WDR62: variants seen among roughly 807,000 people sequenced by gnomAD.
The protein encoded by WDR62 is WD repeat domain 62, also known as WD repeat-containing protein 62.
WDR62 carries 112 observed loss-of-function variants against 160.6 expected under a neutral mutation model. That is an observed-to-expected ratio of 0.70 (90% CI 0.60 to 0.82). WDR62 has a LOEUF of 0.82. Ranked by LOEUF, WDR62 falls within the 40% of genes least tolerant of loss-of-function variation. The probability of loss-of-function intolerance (pLI) is 0.00; values close to 1 mark genes in which losing one functional copy is unlikely to be tolerated. For synonymous variants in WDR62, 792 were observed against 815.1 expected, an observed-to-expected ratio of 0.97 and a Z score of 0.48; for missense variants, 1,819 against 1,983.8, an observed-to-expected ratio of 0.92 and a Z score of 1.58.
intron 3 of WDR62, among the ~76,000 whole-genome samples, chr19:36,064,505 T>C (rs1970831223): frequency 6.6e-6 from 1 of 152,106 alleles, no homozygotes; most frequent in African/African-American, 2.4e-5. Flanking sequence ...GGTCTCGATC[T>C]CCTGACCTTG....
Position 36,054,898 on chromosome 19 carries a change from C to T in WDR62, c.-74C>T, listed in dbSNP as rs1173065804. 3 of 1,528,894 alleles carry T rather than the reference C, an allele frequency of 2.0e-6. No homozygotes were observed. Among genetic ancestry groups the T allele is most frequent in the East Asian group, 2.4e-5 (1 of 41,118 alleles). The allele number at this position is 1,528,894 out of a possible 1,614,324, so 94.7% of individuals were successfully genotyped here. ...GCGCCGGCTTTCCCGCGGCTGTTCGCTGTTCCAGTGGGTCGTGGCGGTGGC... is the reference window on the plus strand; with the variant it reads ...GCGCCGGCTTTCCCGCGGCTGTTCGTTGTTCCAGTGGGTCGTGGCGGTGGC... On this transcript the variant is annotated 5_prime_UTR_variant, in exon 1 of 32. Transcript: ENST00000401500.
At chr19:36,065,817 G>A (rs1421612785) in intron 3 of WDR62, 141 bp from the exon 4 acceptor site, 24 of 826,438 alleles carry the variant, frequency 2.9e-5, no homozygotes, top group Admixed American at 2.7e-4. Flanking sequence ...GGCTCTGTGG[G>A]AGCTGCTTGA....
At chr19:36,073,245 G>A (rs543337163) in intron 8 of WDR62, 97 bp from the exon 9 acceptor site, 3 of 1,119,156 alleles carry the variant, frequency 2.7e-6, no homozygotes, top group African/African-American at 1.5e-5. Flanking sequence ...TACCATGAGG[G>A]ATGGCATTGC....
At position 36,089,239 on chromosome 19, in the gene WDR62, T is replaced by C. The variant is rs755491710; in HGVS notation, c.1891T>C (p.Leu631=). Residue 631 remains leucine, a synonymous_variant, in exon 15 of 32, where the codon TTG becomes CTG. Coordinates refer to ENST00000401500, the MANE Select transcript of WDR62 (RefSeq NM_001083961.2). ...CCACCACGTAGCAGAGAAAACCACC[T>C]TGTATGACATGGACATTGACATCAC... The part of the protein sequence containing the change: ...RTHHVAEKTT[L]YDMDIDITQK... 12 of 1,614,200 alleles carry C rather than the reference T, an allele frequency of 7.4e-6. No individual in the cohort carries two copies. The Admixed American group carries it at 1.0e-4, about 13-fold the overall frequency.
chr19:36,071,531 A>G, intron 7 of WDR62, 25 bp from the exon 8 acceptor site: 5 of 1,614,156 alleles, frequency 3.1e-6, no homozygotes, highest in Non-Finnish European at 4.2e-6. Flanking sequence ...CACCAAATCC[A>G]CTGGGGTCCC....
At chr19:36,086,926 T>C in intron 13 of WDR62, 114 bp downstream of exon 13, 1 of 1,405,108 alleles carries the variant, frequency 7.1e-7, no homozygotes, top group Non-Finnish European at 9.7e-7. Context: ...ACAGTATCTG[T>C]GTACAGTATA....
chr19:36,108,781 GAGCTTGA>G (rs1461180975), downstream of WDR62, among the ~76,000 whole-genome samples: 4 of 151,218 alleles, frequency 2.6e-5, no homozygotes, highest in Admixed American at 6.6e-5. Flanking sequence ...TTGAGCCCAG[GAGCTTGA>G]GGCTACAGTG....
intron 7 of WDR62, among the ~76,000 whole-genome samples, chr19:36,069,247 G>A (rs891086663): frequency 6.6e-6 from 1 of 151,182 alleles, no homozygotes; most frequent in Non-Finnish European, 1.5e-5. Context: ...GGCAGCTGCC[G>A]GGCGGAGGGG....
intron 9 of WDR62, among the ~76,000 whole-genome samples, chr19:36,076,979 A>G (rs186945496): frequency 2.1e-4 from 31 of 148,292 alleles, no homozygotes; most frequent in East Asian, 3.9e-4. Context: ...GTGTGTGTGT[A>G]TATATATATA....
intron 14 of WDR62, 27 bp downstream of exon 14, chr19:36,089,132 CTGGGG>C: frequency 6.2e-7 from 1 of 1,605,748 alleles, no homozygotes; most frequent in Non-Finnish European, 8.5e-7. Flanking sequence ...TCCTTGGGGG[CTGGGG>C]TGGGGGGTTG....
rs201110853 is a variant in WDR62 at position 36,078,156 on chromosome 19, T to TTG, written c.1234-3276_1234-3275insGT. ...CATGTAAGTACAAGTTTTTTTGTTT[T>TTG]TTTTTTTTTGAAACGGAGTCTCACT... On this transcript the variant is annotated intron_variant, in intron 9 of 31. Transcript: ENST00000401500. Among the ~76,000 whole-genome samples the TTG allele has an allele frequency of 5.5e-3, 833 of 152,004 alleles. 3 individuals are homozygous for TTG. Among genetic ancestry groups the TTG allele is most frequent in the African/African-American group, 0.019 (788 of 41,446 alleles).
At chr19:36,085,492 T>C (rs2145737728) in intron 12 of WDR62, among the ~76,000 whole-genome samples, 1 of 146,092 alleles carries the variant, frequency 6.8e-6, no homozygotes, top group African/African-American at 2.5e-5. Context: ...GCGATCTCAG[T>C]TCACTGCAAC....
At chr19:36,059,900 G>A (rs765583374) in intron 2 of WDR62, 68 bp from the exon 3 acceptor site, 99 of 1,544,068 alleles carry the variant, frequency 6.4e-5, no homozygotes, top group Admixed American at 4.8e-4. Context: ...CTTTTCTGGT[G>A]GGAATAGAAT....
chr19:36,096,747 CA>C (rs1368525862), intron 20 of WDR62, among the ~76,000 whole-genome samples: 1 of 152,100 alleles, frequency 6.6e-6, no homozygotes, highest in Non-Finnish European at 1.5e-5. Context: ...AAGAGTTCTC[CA>C]AACCCAGTTA....
At chr19:36,094,255 A>T (rs1471488587) in intron 20 of WDR62, 91 bp downstream of exon 20, 3 of 1,559,234 alleles carry the variant, frequency 1.9e-6, no homozygotes, top group Non-Finnish European at 2.6e-6. Flanking sequence ...CCTGGCACAT[A>T]TTAAAACTCA....
intron 23 of WDR62, 81 bp from the exon 24 acceptor site, chr19:36,101,133 G>A (rs1568367307): frequency 7.3e-7 from 1 of 1,360,940 alleles, no homozygotes; most frequent in Non-Finnish European, 1.0e-6. Context: ...GGGTACAGGT[G>A]CCTAGGGGCT....
intron 12 of WDR62, 134 bp from the exon 13 acceptor site, chr19:36,086,553 G>T (rs1249770863): frequency 3.3e-5 from 39 of 1,178,854 alleles, no homozygotes; most frequent in Non-Finnish European, 4.6e-5. Context: ...TGCCAGGCTT[G>T]GGCCAAGTTG....
At chr19:36,104,404 G>T in intron 30 of WDR62, 114 bp from the exon 31 acceptor site, 1 of 1,369,784 alleles carries the variant, frequency 7.3e-7, no homozygotes, top group Non-Finnish European at 1.0e-6. Context: ...GGAGCCTTGG[G>T]GACCCAGAGA....
chr19:36,069,261 C>G (rs1218802548), intron 7 of WDR62, among the ~76,000 whole-genome samples: 1 of 151,460 alleles, frequency 6.6e-6, no homozygotes, highest in Non-Finnish European at 1.5e-5. Flanking sequence ...GGAGGGGCTC[C>G]TCACTTCTCA....
Sources: gnomAD v4.1 joint callset for allele counts (sites outside exome capture counted in the v4.1 genomes callset) on GRCh38, gnomAD v4.1.1 for gene constraint, MANE v1.5 for transcripts, NCBI Gene and HGNC (gene_info 2026-07-23, HGNC 2026-07-21) for gene names.